Variants in DPF3 observed in about 807,000 individuals in gnomAD.
DPF3 encodes the protein zinc finger protein DPF3.
A neutral mutation model predicts 56.8 loss-of-function variants in DPF3; 18 were observed. The ratio of observed to expected loss-of-function variants is 0.32; its 90% confidence interval spans 0.22 to 0.47. The LOEUF is 0.47. Ranked by LOEUF, DPF3 falls within the 20% of genes least tolerant of loss-of-function variation. DPF3 has a pLI of 1.00. For missense variants in DPF3, 403 were observed against 488.8 expected (o/e 0.82, Z 1.65); for synonymous variants, 188 against 180.2 (o/e 1.04, Z -0.35).
At chr14:72,742,175 C>T (rs1890149819) in intron 3 of DPF3, among the ~76,000 whole-genome samples, 1 of 152,210 alleles carries the variant, frequency 6.6e-6, no homozygotes, top group Non-Finnish European at 1.5e-5. Context: ...CCAACCAGAG[C>T]TGACGAAGCT....
intron 5 of DPF3, among the ~76,000 whole-genome samples, chr14:72,718,572 C>A (rs971951069): frequency 2.6e-5 from 4 of 152,110 alleles, no homozygotes; most frequent in Admixed American, 6.5e-5. Context: ...TTTTATTTTT[C>A]TTGTAAATCT....
Position 72,753,358 on chromosome 14 carries a change from G to C in DPF3, c.207C>G (p.Gly69=), listed in dbSNP as rs1035425918. 4 of 1,611,716 alleles carry C rather than the reference G, an allele frequency of 2.5e-6. No homozygotes were observed. The highest frequency in any genetic ancestry group is 3.4e-6 in the Non-Finnish European group (4 of 1,179,532). The change falls in exon 3 of 11, where the codon GGC becomes GGG. Residue 69 remains glycine, a synonymous_variant. Transcript: ENST00000556509. ...AGCGGGCAGGGTATGTATACAGCTGGCCCGGGGCAAGGCCTGTGGACAGAG... is the reference window on the plus strand; with the variant it reads ...AGCGGGCAGGGTATGTATACAGCTGCCCCGGGGCAAGGCCTGTGGACAGAG... ...KRHRGPGLAP[G]QLYTYPARCW...
chr14:72,848,881 T>G (rs1884860381), intron 1 of DPF3, among the ~76,000 whole-genome samples: 1 of 152,162 alleles, frequency 6.6e-6, no homozygotes, highest in Non-Finnish European at 1.5e-5. Flanking sequence ...TGAGGTTACT[T>G]CTTGTCTGAT....
intron 1 of DPF3, among the ~76,000 whole-genome samples, chr14:72,794,712 C>A (rs1892568479): frequency 6.6e-6 from 1 of 152,178 alleles, no homozygotes; most frequent in African/African-American, 2.4e-5. Flanking sequence ...GCTGCTGAGA[C>A]AAATTACTAC....
intron 8 of DPF3, among the ~76,000 whole-genome samples, chr14:72,659,309 T>C (rs747679161): frequency 6.6e-6 from 1 of 152,176 alleles, no homozygotes; most frequent in Non-Finnish European, 1.5e-5. Context: ...ATGAGGAACA[T>C]GATTTCTTTC....
rs1347608600 is a variant in DPF3, at chr14:72,674,039, C to G, written c.871+201G>C. 3.6e-5 allele frequency: 26 copies of G among 726,232 alleles called. 1 individual carries two copies. Among genetic ancestry groups the G allele is most frequent in the South Asian group, 3.0e-4 (12 of 40,338 alleles). The allele number at this position is 726,232 out of a possible 1,614,324, so 45.0% of individuals were successfully genotyped here. On this transcript the variant is annotated intron_variant, in intron 8 of 10. Transcript: ENST00000556509. ...AACCCAAAACTTCTCTTTGCCCTTT[C>G]CCCCGGATCCTAGGGCATAACTTTT...
intron 8 of DPF3, among the ~76,000 whole-genome samples, chr14:72,643,186 C>T (rs1337427599): frequency 6.6e-6 from 1 of 152,210 alleles, no homozygotes; most frequent in Non-Finnish European, 1.5e-5. Context: ...ATTTCAGCTC[C>T]TTGTTTAAGC....
intron 1 of DPF3, among the ~76,000 whole-genome samples, chr14:72,778,094 G>A (rs537598815): frequency 1.1e-4 from 16 of 152,216 alleles, no homozygotes; most frequent in African/African-American, 3.6e-4. Context: ...TGAGCTATAA[G>A]GAGGACTCTT....
At chr14:72,781,557 A>C (rs1172980531) in intron 1 of DPF3, among the ~76,000 whole-genome samples, 1 of 152,216 alleles carries the variant, frequency 6.6e-6, no homozygotes, top group Admixed American at 6.5e-5. Flanking sequence ...TGCCTAAGCA[A>C]GACAGAATTT....
At chr14:72,739,677 G>C (rs1890048353) in intron 3 of DPF3, among the ~76,000 whole-genome samples, 1 of 152,206 alleles carries the variant, frequency 6.6e-6, no homozygotes, top group African/African-American at 2.4e-5. Flanking sequence ...CAGCTGGAAA[G>C]CAGACGCTGG....
intron 2 of DPF3, among the ~76,000 whole-genome samples, chr14:72,755,481 G>A (rs1465267221): frequency 3.3e-5 from 5 of 152,136 alleles, no homozygotes; most frequent in African/African-American, 7.2e-5. Context: ...TGAGTCCTGG[G>A]AAGCATCCTA....
intron 1 of DPF3, among the ~76,000 whole-genome samples, chr14:72,802,295 C>T (rs1892923948): frequency 6.6e-6 from 1 of 152,160 alleles, no homozygotes; most frequent in African/African-American, 2.4e-5. Context: ...AGTCAGGAGA[C>T]CCATGTTCTC....
chr14:72,643,789 A>G (rs1019453298), intron 8 of DPF3, among the ~76,000 whole-genome samples: 1 of 152,210 alleles, frequency 6.6e-6, no homozygotes, highest in African/African-American at 2.4e-5. Context: ...CACCTCCATT[A>G]CACTGTCAGT....
chr14:72,709,147 C>A (rs1258767439), intron 6 of DPF3, among the ~76,000 whole-genome samples: 3 of 152,232 alleles, frequency 2.0e-5, no homozygotes, highest in Admixed American at 6.5e-5. Flanking sequence ...CAACACACTC[C>A]CCGACTGGGT....
chr14:72,628,846 C>A (rs558483350), intron 9 of DPF3, among the ~76,000 whole-genome samples: 14 of 152,254 alleles, frequency 9.2e-5, no homozygotes, highest in African/African-American at 3.4e-4. Context: ...GATCTGATTT[C>A]TTCAACAAAG....
At chr14:72,756,902 G>A (rs1890842541) in intron 2 of DPF3, among the ~76,000 whole-genome samples, 1 of 112,470 alleles carries the variant, frequency 8.9e-6, no homozygotes, top group African/African-American at 4.0e-5. Context: ...AGAAAGAAAA[G>A]AAAAAAAGAA....
chr14:72,752,544 T>C (rs1410235394), intron 3 of DPF3, among the ~76,000 whole-genome samples: 5 of 152,138 alleles, frequency 3.3e-5, no homozygotes, highest in African/African-American at 1.2e-4. Flanking sequence ...ACATTTGTAA[T>C]CCCAGCTACT....
intron 1 of DPF3, among the ~76,000 whole-genome samples, chr14:72,816,491 C>G (rs576166045): frequency 1.3e-5 from 2 of 152,208 alleles, no homozygotes; most frequent in African/African-American, 4.8e-5. Context: ...AACCTTACCC[C>G]CAACCCACCC....
chr14:72,778,662 T>C (rs941534489), intron 1 of DPF3, among the ~76,000 whole-genome samples: 3 of 152,046 alleles, frequency 2.0e-5, no homozygotes, highest in African/African-American at 4.8e-5. Context: ...GCCAGAAAGG[T>C]TGGGGACTTC....
Sources: gnomAD v4.1 joint callset for allele counts (sites outside exome capture counted in the v4.1 genomes callset) on GRCh38, gnomAD v4.1.1 for gene constraint, MANE v1.5 for transcripts, NCBI Gene and HGNC (gene_info 2026-07-23, HGNC 2026-07-21) for gene names.